Variants in WWOX observed in about 807,000 individuals in gnomAD.
WWOX encodes the protein WW domain-containing oxidoreductase.
WWOX carries 69 observed loss-of-function variants against 46.2 expected under a neutral mutation model. The ratio of observed to expected loss-of-function variants is 1.49; its 90% CI spans 1.23 to 1.82. The LOEUF (loss-of-function observed/expected upper bound fraction) is 1.82. Among genes scored for constraint, WWOX ranks in the 40% most tolerant of loss-of-function variants. The pLI is 0.00. For missense variants in WWOX, 919 were observed against 542.6 expected (o/e 1.69, Z -6.89); for synonymous variants, 359 against 202.6 (o/e 1.77, Z -6.56).
At chr16:78,240,208 G>C (rs2037591244) in intron 5 of WWOX, among the ~76,000 whole-genome samples, 1 of 152,102 alleles carries the variant, frequency 6.6e-6, no homozygotes, top group African/African-American at 2.4e-5. Context: ...GGGGCACAGT[G>C]GTGGGTGTGC....
At chr16:78,760,518 A>T (rs1239416114) in intron 8 of WWOX, among the ~76,000 whole-genome samples, 2 of 151,952 alleles carry the variant, frequency 1.3e-5, no homozygotes, top group Non-Finnish European at 2.9e-5. Flanking sequence ...AGCCCAACAC[A>T]CTCCTCAAAC....
intron 8 of WWOX, among the ~76,000 whole-genome samples, chr16:79,173,652 A>C (rs79981593): frequency 1.1e-4 from 17 of 152,050 alleles, no homozygotes; most frequent in South Asian, 2.1e-4. Flanking sequence ...AAAAAAAAAA[A>C]CCCACCTAGT....
chr16:78,363,660 A>T (rs754826059), intron 5 of WWOX, among the ~76,000 whole-genome samples: 1 of 152,130 alleles, frequency 6.6e-6, no homozygotes, highest in African/African-American at 2.4e-5. Context: ...TTCTAAATAT[A>T]CTTGACCACC....
chr16:79,114,714 G>A (rs1298386697), intron 8 of WWOX, among the ~76,000 whole-genome samples: 1 of 152,112 alleles, frequency 6.6e-6, no homozygotes, highest in Admixed American at 6.5e-5. Flanking sequence ...CCCAGGAAAG[G>A]AACACAGCAT....
intron 5 of WWOX, among the ~76,000 whole-genome samples, chr16:78,283,072 C>T (rs536209510): frequency 6.6e-5 from 10 of 151,942 alleles, no homozygotes; most frequent in East Asian, 5.8e-4. Flanking sequence ...GGGAAGAGGG[C>T]GGCGTGGACA....
chr16:78,100,320 A>C (rs2031683831), intron 1 of WWOX: 3 of 907,154 alleles, frequency 3.3e-6, no homozygotes, highest in Non-Finnish European at 4.1e-6. Flanking sequence ...GGGTGCCATC[A>C]TAGCCCACTG....
At chr16:78,879,419 C>G (rs1286658544) in intron 8 of WWOX, among the ~76,000 whole-genome samples, 1 of 151,796 alleles carries the variant, frequency 6.6e-6, no homozygotes, top group Non-Finnish European at 1.5e-5. Context: ...GCCATAAGGG[C>G]AAAATCCACA....
At chr16:78,172,766 G>A (rs769609948) in intron 5 of WWOX, among the ~76,000 whole-genome samples, 1 of 152,128 alleles carries the variant, frequency 6.6e-6, no homozygotes, top group Non-Finnish European at 1.5e-5. Context: ...GAAACCCAAA[G>A]CAGATGCATC....
intron 5 of WWOX, among the ~76,000 whole-genome samples, chr16:78,174,335 T>C (rs756321406): frequency 8.5e-5 from 13 of 152,292 alleles, no homozygotes; most frequent in South Asian, 2.1e-4. Flanking sequence ...TTGAGACTTA[T>C]TCACTATCAT....
At chr16:79,168,975 T>G (rs958275964) in intron 8 of WWOX, among the ~76,000 whole-genome samples, 10 of 152,244 alleles carry the variant, frequency 6.6e-5, no homozygotes, top group African/African-American at 2.4e-4. Context: ...TGTAAAAATC[T>G]TGATTCCGGA....
At chr16:78,930,195 G>T (rs2045588039) in intron 8 of WWOX, among the ~76,000 whole-genome samples, 1 of 144,384 alleles carries the variant, frequency 6.9e-6, no homozygotes, top group Admixed American at 6.8e-5. Context: ...ATACCCCAGA[G>T]CCTGGGGTGG....
chr16:78,124,861 C>CTT lies in WWOX; in HGVS notation c.409+9708_409+9709insTT, dbSNP rs544740173. Among the ~76,000 whole-genome samples, 654 of 152,250 alleles carry CTT rather than the reference C, an allele frequency of 4.3e-3. 10 individuals are homozygous for CTT. The highest frequency in any genetic ancestry group is 0.015 in the African/African-American group (621 of 41,524). On this transcript the variant is annotated intron_variant, in intron 4 of 8. Coordinates refer to ENST00000566780, the MANE Select transcript of WWOX (RefSeq NM_016373.4). ...CAAGACAAGGTTTCTTCACTAGACTCTAAGAGGAGATCTGAGACAGAGAGA... is the reference window on the plus strand; with the variant it reads ...CAAGACAAGGTTTCTTCACTAGACTCTTTAAGAGGAGATCTGAGACAGAGAGA...
chr16:78,872,929 C>T (rs140258939), intron 8 of WWOX: 2 of 152,512 alleles, frequency 1.3e-5, no homozygotes, highest in Non-Finnish European at 1.5e-5. Context: ...TCCTTTGTAT[C>T]TGGGACCACA....
intron 6 of WWOX, among the ~76,000 whole-genome samples, chr16:78,400,106 A>T (rs915385412): frequency 1.3e-5 from 2 of 152,216 alleles, no homozygotes; most frequent in African/African-American, 4.8e-5. Context: ...GGACCTCTCA[A>T]TTAGCGGTAA....
At chr16:78,211,561 G>C (rs1180136180) in intron 5 of WWOX, among the ~76,000 whole-genome samples, 1 of 152,134 alleles carries the variant, frequency 6.6e-6, no homozygotes, top group African/African-American at 2.4e-5. Context: ...TGCTCCTGCT[G>C]CTGCTGCTGC....
At chr16:79,204,172 A>G (rs370332897) in intron 8 of WWOX, 6 of 152,288 alleles carry the variant, frequency 3.9e-5, no homozygotes, top group African/African-American at 1.4e-4. Context: ...CTATTCATAA[A>G]GAAACTGTAC....
intron 8 of WWOX, among the ~76,000 whole-genome samples, chr16:78,482,235 AT>A (rs910018374): frequency 3.3e-5 from 5 of 151,780 alleles, no homozygotes; most frequent in Non-Finnish European, 7.4e-5. Flanking sequence ...TAACTCCATA[AT>A]TTTTTTTATT....
At chr16:78,144,734 C>T (rs1354039545) in intron 4 of WWOX, among the ~76,000 whole-genome samples, 1 of 150,916 alleles carries the variant, frequency 6.6e-6, no homozygotes, top group East Asian at 2.0e-4. Context: ...TTGGCCAGGC[C>T]AGTCTCAAAC....
rs202193609 is a variant in WWOX, at chr16:78,303,668, C to T, written c.517-83192C>T. Among the ~76,000 whole-genome samples the T allele has an allele frequency of 2.6e-5, 4 of 152,178 alleles. No homozygotes were observed. The East Asian group carries it at 5.8e-4, about 22-fold the overall frequency. Reference sequence around the variant, plus strand: ...CAAGCGATTCTCATGCCTCAGACTCCTGAGTAGCTGGGATTACAGGCATGC... The same window carrying T: ...CAAGCGATTCTCATGCCTCAGACTCTTGAGTAGCTGGGATTACAGGCATGC... On this transcript the variant is annotated intron_variant, in intron 5 of 8. Transcript: ENST00000566780.
Sources: gnomAD v4.1 joint callset for allele counts (sites outside exome capture counted in the v4.1 genomes callset) on GRCh38, gnomAD v4.1.1 for gene constraint, MANE v1.5 for transcripts, NCBI Gene and HGNC (gene_info 2026-07-23, HGNC 2026-07-21) for gene names.